Variants in UGT1A9 observed in about 807,000 individuals in gnomAD.
The protein encoded by UGT1A9 is UDP glucuronosyltransferase family 1 member A9, also known as UDP-glucuronosyltransferase 1A9.
A neutral mutation model predicts 45.0 loss-of-function variants in UGT1A9; 35 were observed. The ratio of observed to expected loss-of-function variants is 0.78; its 90% CI spans 0.59 to 1.03. The LOEUF (loss-of-function observed/expected upper bound fraction) is 1.03. UGT1A9 is among the 50% of genes least tolerant of loss of function. UGT1A9 has a pLI of 0.00. For missense variants in UGT1A9, 687 were observed against 666.6 expected (o/e 1.03, Z -0.34); for synonymous variants, 278 against 250.6 (o/e 1.11, Z -1.03).
In UGT1A9 at chr2:233,755,218, C is replaced by T. The variant is rs1203897935; in HGVS notation, c.856-11816C>T. 1.4e-5 allele frequency: 14 copies of T among 1,027,208 alleles called. No individual in the cohort carries two copies. In the South Asian group the frequency reaches 1.5e-4, roughly 11 times the overall value. 63.6% of individuals were successfully genotyped at this position (1,027,208 alleles called of 1,614,324 possible). ...AGCTTGCGGTACGCCTTCTTGATACCCTCGGACGAGGCCTACCGGGGTACT... is the reference window on the plus strand; with the variant it reads ...AGCTTGCGGTACGCCTTCTTGATACTCTCGGACGAGGCCTACCGGGGTACT... On this transcript the variant is annotated intron_variant, in intron 1 of 4. Transcript: ENST00000354728.
At position 233,672,368 on chromosome 2, in the gene UGT1A9, T is replaced by C. The variant is rs1236482230; in HGVS notation, c.434T>C (p.Val145Ala). ...EYLKESSFDA[V>A]FLDPFDNCGL... ...TTAAAGGAGAGTTCTTTTGATGCAG[T>C]GTTTCTCGATCCTTTTGATAACTGT... The change falls in exon 1 of 5, where the codon GTG becomes GCG. Residue 145 changes from valine to alanine, a missense_variant. By Grantham distance (64) the Val-to-Ala change is moderately conservative (BLOSUM62 0). Coordinates refer to ENST00000354728, the MANE Select transcript of UGT1A9 (RefSeq NM_021027.3). 6 of 1,614,152 alleles carry C rather than the reference T, an allele frequency of 3.7e-6. No homozygotes were observed. The Admixed American group carries it at 1.0e-4, about 27-fold the overall frequency.
intron 1 of UGT1A9, among the ~76,000 whole-genome samples, chr2:233,725,249 G>GGCA (rs1424626643): frequency 6.2e-5 from 3 of 48,540 alleles, no homozygotes; most frequent in African/African-American, 3.4e-4. Flanking sequence ...CAGAGGCAGA[G>GGCA]GAGGCAGAGG....
At chr2:233,679,128 T>G (rs1018713761) in intron 1 of UGT1A9, among the ~76,000 whole-genome samples, 1 of 152,218 alleles carries the variant, frequency 6.6e-6, no homozygotes, top group Non-Finnish European at 1.5e-5. Flanking sequence ...TTAAGACACC[T>G]GATTGAGAGA....
At chr2:233,768,049 C>A in intron 3 of UGT1A9, 113 bp downstream of exon 3, 1 of 1,606,778 alleles carries the variant, frequency 6.2e-7, no homozygotes, top group Non-Finnish European at 8.5e-7. Flanking sequence ...GCCAACATAT[C>A]CTACATTGCT....
At chr2:233,691,705 C>A (rs1249227903) in intron 1 of UGT1A9, 2 of 943,176 alleles carry the variant, frequency 2.1e-6, no homozygotes, top group African/African-American at 1.8e-5. Flanking sequence ...AGGAGTCACT[C>A]CCCTGGCAGA....
intron 1 of UGT1A9, among the ~76,000 whole-genome samples, chr2:233,694,903 AC>A (rs1197699388): frequency 6.6e-6 from 1 of 152,248 alleles, no homozygotes; most frequent in Admixed American, 6.5e-5. Context: ...ATATTTTGAT[AC>A]ACGTATACAA....
At chr2:233,717,545 A>C (rs796753036) in intron 1 of UGT1A9, among the ~76,000 whole-genome samples, 1 of 152,226 alleles carries the variant, frequency 6.6e-6, no homozygotes, top group South Asian at 2.1e-4. Flanking sequence ...CCTCAGCCTC[A>C]CCAGCAATGG....
At chr2:233,705,245 C>A (rs184957890) in intron 1 of UGT1A9, among the ~76,000 whole-genome samples, 1 of 151,984 alleles carries the variant, frequency 6.6e-6, no homozygotes, top group African/African-American at 2.4e-5. Context: ...TGTATGAATT[C>A]AGATTATTCT....
At chr2:233,758,569 A>C (rs1696913404) in intron 1 of UGT1A9, among the ~76,000 whole-genome samples, 2 of 152,222 alleles carry the variant, frequency 1.3e-5, no homozygotes, top group Non-Finnish European at 2.9e-5. Context: ...TGGTCCTAAA[A>C]AATGAAGAGT....
chr2:233,727,709 GC>G (rs369344030), intron 1 of UGT1A9, among the ~76,000 whole-genome samples: 1 of 152,290 alleles, frequency 6.6e-6, no homozygotes, highest in African/African-American at 2.4e-5. Context: ...AGTTCCCAAA[GC>G]CCTTGCAGAC....
chr2:233,720,226 G>A (rs989732732), intron 1 of UGT1A9, among the ~76,000 whole-genome samples: 1 of 152,194 alleles, frequency 6.6e-6, no homozygotes, highest in South Asian at 2.1e-4. Context: ...CATGTGATCA[G>A]AGAATGAAAC....
In UGT1A9 at chr2:233,772,321, T is replaced by C; in HGVS notation, c.1355T>C (p.Leu452Pro). 1 of 1,614,248 alleles carries C rather than the reference T, an allele frequency of 6.2e-7. No homozygotes were observed. The highest frequency in any genetic ancestry group is 8.5e-7 in the Non-Finnish European group (1 of 1,180,036). ...CACAAGGACCGCCCGGTGGAGCCGC[T>C]GGACCTGGCCGTGTTCTGGGTGGAG... is the stretch of plus-strand genomic sequence containing the variant. Reference protein sequence around the residue: ...SLHKDRPVEPLDLAVFWVEFV... With the variant: ...SLHKDRPVEPPDLAVFWVEFV... Residue 452 changes from leucine to proline, a missense_variant, in exon 5 of 5, where the codon CTG (leucine) becomes CCG (proline). By Grantham distance (98) the Leu-to-Pro change is moderately conservative. Coordinates refer to ENST00000354728, the MANE Select transcript of UGT1A9 (RefSeq NM_021027.3).
intron 1 of UGT1A9, among the ~76,000 whole-genome samples, chr2:233,758,781 G>C (rs1359978174): frequency 6.6e-6 from 1 of 152,186 alleles, no homozygotes; most frequent in African/African-American, 2.4e-5. Context: ...GTTGGGATCT[G>C]TGCAGTTATC....
At chr2:233,718,907 A>C (rs368882210) in intron 1 of UGT1A9, 4 of 1,613,892 alleles carry the variant, frequency 2.5e-6, no homozygotes, top group Middle Eastern at 1.7e-4. Context: ...CTGAGAGTGG[A>C]AAGGTGTTGG....
intron 1 of UGT1A9, among the ~76,000 whole-genome samples, chr2:233,680,355 T>G (rs2125517716): frequency 6.6e-6 from 1 of 152,308 alleles, no homozygotes; most frequent in African/African-American, 2.4e-5. Context: ...TCATATCACA[T>G]GCATTTAGGC....
At chr2:233,706,181 G>A (rs1050859033) in intron 1 of UGT1A9, among the ~76,000 whole-genome samples, 7 of 152,212 alleles carry the variant, frequency 4.6e-5, no homozygotes, top group African/African-American at 1.4e-4. Context: ...TGGTGTGTCT[G>A]CCCAGGCTGC....
chr2:233,705,764 C>CT (rs1233658406), intron 1 of UGT1A9, among the ~76,000 whole-genome samples: 1 of 152,170 alleles, frequency 6.6e-6, no homozygotes, highest in Non-Finnish European at 1.5e-5. Context: ...CAGCTGCATA[C>CT]TTTGAGTGTC....
chr2:233,757,415 G>A (rs918647470), intron 1 of UGT1A9, among the ~76,000 whole-genome samples: 20 of 151,366 alleles, frequency 1.3e-4, no homozygotes, highest in Admixed American at 1.1e-3. Flanking sequence ...GGTCTAGAAC[G>A]AAAAGAGAAG....
intron 1 of UGT1A9, among the ~76,000 whole-genome samples, chr2:233,709,855 C>T (rs774385503): frequency 6.6e-6 from 1 of 152,220 alleles, no homozygotes; most frequent in Non-Finnish European, 1.5e-5. Flanking sequence ...ATTCAAGACA[C>T]GGAGCACTCC....
Sources: allele counts gnomAD v4.1 joint callset (sites outside exome capture counted in the v4.1 genomes callset), GRCh38; gene constraint gnomAD v4.1.1; transcripts MANE v1.5; gene names NCBI Gene and HGNC (gene_info 2026-07-23, HGNC 2026-07-21).